Variants in DTX4 observed in about 807,000 individuals in gnomAD.
The protein encoded by DTX4 is deltex E3 ubiquitin ligase 4.
A neutral mutation model predicts 57.6 loss-of-function variants in DTX4; 28 were observed. That is an observed-to-expected ratio of 0.49 (90% CI 0.36 to 0.67). The LOEUF is 0.67. DTX4 is among the 30% of genes least tolerant of loss of function. The pLI, the probability that DTX4 is intolerant of heterozygous loss-of-function variation, is 0.00. For missense variants in DTX4, 715 were observed against 836.8 expected, an observed-to-expected ratio of 0.85 and a Z score of 1.80; for synonymous variants, 316 against 331.0, an observed-to-expected ratio of 0.95 and a Z score of 0.49.
At position 59,206,754 on chromosome 11, in the gene DTX4, T is replaced by G. The variant is rs1407693749; in HGVS notation, c.*1845T>G. On this transcript the variant is annotated 3_prime_UTR_variant, in exon 9 of 9. Coordinates refer to ENST00000227451, the MANE Select transcript of DTX4 (RefSeq NM_015177.2). ...TGCCTGTCACCCAGTTCTGTGGATG[T>G]GCTGGTGCTGAGCCTTTGCTCTCTT... 1 of 152,620 alleles carries G rather than the reference T, an allele frequency of 6.6e-6. No individual in the cohort carries two copies. Among genetic ancestry groups the G allele is most frequent in the Non-Finnish European group, 1.5e-5 (1 of 68,052 alleles). 9.5% of individuals were successfully genotyped at this position (152,620 alleles called of 1,614,324 possible). A position where few individuals can be genotyped will look rare whatever the true frequency, so the allele number is the denominator to read the frequency against.
In DTX4 at chr11:59,192,016, A is replaced by G. The variant is rs145259923; in HGVS notation, c.1222-82A>G. The stretch of plus-strand genomic sequence containing the variant: ...TTTAGAAGAGAAGTGGTAAGAGCTC[A>G]TCTGACCTCTGAGATCATGTGGAAA... On this transcript the variant is annotated intron_variant, in intron 5 of 8. Transcript: ENST00000227451. 1.3e-5 allele frequency: 19 copies of G among 1,517,978 alleles called. No individual in the cohort carries two copies. The East Asian group carries it at 4.1e-4, about 33-fold the overall frequency. 94.0% of individuals were successfully genotyped at this position (1,517,978 alleles called of 1,614,324 possible).
chr11:59,201,900 C>T (rs1862745053), intron 8 of DTX4, among the ~76,000 whole-genome samples: 2 of 152,192 alleles, frequency 1.3e-5, no homozygotes, highest in African/African-American at 4.8e-5. Flanking sequence ...CCCTGGTACC[C>T]AGATGGGCAC....
At chr11:59,177,865 T>C (rs545468864) in intron 1 of DTX4, among the ~76,000 whole-genome samples, 2 of 152,326 alleles carry the variant, frequency 1.3e-5, no homozygotes, top group Admixed American at 1.3e-4. Flanking sequence ...ACTTCATTTA[T>C]TGAATCAATA....
In DTX4 at chr11:59,172,267, C is replaced by A. The variant is rs1437578554; in HGVS notation, c.-329C>A. ...GCCGGGGCTCGGGCCGCGCGCCCGC[C>A]GAGTGGCTTTTGCAAGGCGGGGGCC... On this transcript the variant is annotated 5_prime_UTR_variant, in exon 1 of 9. Transcript: ENST00000227451. 6.6e-6 allele frequency among the ~76,000 whole-genome samples: 1 copy of A among 151,940 alleles called. No homozygotes were observed. Among genetic ancestry groups the A allele is most frequent in the East Asian group, 1.9e-4 (1 of 5,162 alleles).
In DTX4 at chr11:59,172,693, T is replaced by C; in HGVS notation, c.98T>C (p.Val33Ala). 1 of 1,600,290 alleles carries C rather than the reference T, an allele frequency of 6.2e-7. No homozygotes were observed. Among genetic ancestry groups the C allele is most frequent in the Non-Finnish European group, 8.5e-7 (1 of 1,176,010 alleles). ...GCGGTGAGCCACCACATCGAGGCGG[T>C]GGTCCGCGCCGGCCCCCGCGCGGGG... is the stretch of plus-strand genomic sequence containing the variant. ...SPAVSHHIEAVVRAGPRAGGS... is the reference protein window; with the variant it reads ...SPAVSHHIEAAVRAGPRAGGS... The change falls in exon 1 of 9, where the codon GTG becomes GCG. Residue 33 changes from valine (V) to alanine (A), a missense_variant. Transcript: ENST00000227451.
At chr11:59,187,601 C>T (rs1862544197) in intron 2 of DTX4, among the ~76,000 whole-genome samples, 1 of 152,238 alleles carries the variant, frequency 6.6e-6, no homozygotes, top group Non-Finnish European at 1.5e-5. Context: ...CCAGCACCAT[C>T]CTGCCCCCAC....
In DTX4 at chr11:59,181,943, C is replaced by A. The variant is rs1463218927; in HGVS notation, c.416C>A (p.Thr139Asn). The change falls in exon 2 of 9, where the codon ACC (threonine) becomes AAC (asparagine). Residue 139 changes from threonine to asparagine, a missense_variant. By Grantham distance (65) the Thr-to-Asn change is moderately conservative. Transcript: ENST00000227451. ...TTTAGCTACGTAATTGACTTCAACA[C>A]CATGGGCCAGATCAACCGTCAGACC... Reference protein sequence around the residue: ...IGFSYVIDFNTMGQINRQTQR... With the variant: ...IGFSYVIDFNNMGQINRQTQR... The A allele has an allele frequency of 1.9e-6, 3 of 1,613,994 alleles. No homozygotes were observed. Among genetic ancestry groups the A allele is most frequent in the Non-Finnish European group, 2.5e-6 (3 of 1,179,866 alleles).
At chr11:59,173,265 C>T (rs1438031354) in intron 1 of DTX4, among the ~76,000 whole-genome samples, 1 of 152,210 alleles carries the variant, frequency 6.6e-6, no homozygotes, top group African/African-American at 2.4e-5. Context: ...GTCCCCTCAC[C>T]CCCGATCTCA....
rs796559323 is a variant in DTX4 at position 59,199,169 on chromosome 11, A to G, written c.1537-515A>G. 1.1e-4 allele frequency among the ~76,000 whole-genome samples: 16 copies of G among 152,344 alleles called. 1 individual carries two copies. The highest frequency in any genetic ancestry group is 3.8e-4 in the African/African-American group (16 of 41,578). On this transcript the variant is annotated intron_variant, in intron 7 of 8. Transcript: ENST00000227451. ...TTGGCATGGCTCATAGCTTGGAGGC[A>G]CTTTCTTTATTCTGAGTAGTTAAAA... is the stretch of plus-strand genomic sequence containing the variant.
Position 59,206,949 on chromosome 11 carries a change from C to G in DTX4, c.*2040C>G, listed in dbSNP as rs1862819589. ...ACTGCACCACAGGGCAATTTCCTGC[C>G]ATAGTTAGGAAGGAAACACCTGAAC... On this transcript the variant is annotated 3_prime_UTR_variant, in exon 9 of 9. Transcript: ENST00000227451. 1 of 152,420 alleles carries G rather than the reference C, an allele frequency of 6.6e-6. No homozygotes were observed. Among genetic ancestry groups the G allele is most frequent in the South Asian group, 2.1e-4 (1 of 4,830 alleles). The allele number at this position is 152,420 out of a possible 1,614,324, so 9.4% of individuals were successfully genotyped here.
intron 6 of DTX4, among the ~76,000 whole-genome samples, chr11:59,192,725 A>G (rs1029233408): frequency 6.6e-6 from 1 of 152,222 alleles, no homozygotes; most frequent in Non-Finnish European, 1.5e-5. Flanking sequence ...GGACAATTTC[A>G]AAACACCCTT....
At chr11:59,175,792 C>A (rs6591508) in intron 1 of DTX4, among the ~76,000 whole-genome samples, 64,057 of 151,972 alleles carry the variant, frequency 0.42, 15,132 homozygotes, top group African/African-American at 0.63. Context: ...TAGCAGGATG[C>A]GGAAGATCCA....
intron 8 of DTX4, among the ~76,000 whole-genome samples, chr11:59,200,328 G>C (rs1862725728): frequency 6.6e-6 from 1 of 152,186 alleles, no homozygotes; most frequent in Admixed American, 6.5e-5. Context: ...GATGAGGTTT[G>C]GGTGGGGACA....
At chr11:59,178,277 G>A (rs557350315) in intron 1 of DTX4, among the ~76,000 whole-genome samples, 30 of 151,984 alleles carry the variant, frequency 2.0e-4, no homozygotes, top group South Asian at 1.2e-3. Flanking sequence ...GTGGGTAGGG[G>A]GGATTTAGAT....
At chr11:59,175,903 T>C (rs1204152876) in intron 1 of DTX4, among the ~76,000 whole-genome samples, 1 of 152,108 alleles carries the variant, frequency 6.6e-6, no homozygotes. Context: ...CATTTTTTTT[T>C]TTTTTTTTAG....
At position 59,204,670 on chromosome 11, in the gene DTX4, C is replaced by A. The variant is rs1346114704; in HGVS notation, c.1627-6C>A. The A allele has an allele frequency of 1.2e-6, 2 of 1,609,780 alleles. No individual in the cohort carries two copies. Among genetic ancestry groups the A allele is most frequent in the Admixed American group, 3.4e-5 (2 of 59,408 alleles). On this transcript the variant is annotated splice_region_variant and splice_polypyrimidine_tract_variant and intron_variant, in intron 8 of 8. Transcript: ENST00000227451. ...TGCCTTTCATGTCCCACTTTTATCC[C>A]TCTAGGTTCTGAAGCTGCTGCTCGT...
intron 1 of DTX4, among the ~76,000 whole-genome samples, chr11:59,180,078 A>G (rs1862444973): frequency 2.0e-5 from 3 of 152,150 alleles, no homozygotes; most frequent in Admixed American, 1.3e-4. Flanking sequence ...TTTGAGTTTT[A>G]CATTCATTTC....
chr11:59,192,046 C>G (rs1242630806), intron 5 of DTX4, 52 bp from the exon 6 acceptor site: 21 of 1,585,132 alleles, frequency 1.3e-5, no homozygotes, highest in Non-Finnish European at 1.8e-5. Context: ...TGGAAATCTC[C>G]CAGGCTGAGT....
upstream of DTX4, chr11:59,171,579 C>A (rs1453534855): frequency 1.3e-5 from 2 of 152,262 alleles, no homozygotes; most frequent in Admixed American, 6.5e-5. Flanking sequence ...CTGGCCGGCA[C>A]ACGACACTTT....
Sources: gnomAD v4.1 joint callset for allele counts (sites outside exome capture counted in the v4.1 genomes callset) on GRCh38, gnomAD v4.1.1 for gene constraint, MANE v1.5 for transcripts, NCBI Gene and HGNC (gene_info 2026-07-23, HGNC 2026-07-21) for gene names.